Variants in SLC35F4 observed in about 807,000 individuals in gnomAD.
SLC35F4 encodes chromosome 14 open reading frame 36.
In SLC35F4, 24 loss-of-function variants were observed where a neutral mutation model predicts 44.2. The ratio of observed to expected loss-of-function variants is 0.54; its 90% CI spans 0.39 to 0.76. SLC35F4 has a LOEUF of 0.76. Among genes scored for constraint, SLC35F4 ranks in the 30% least tolerant of loss-of-function variants. SLC35F4 has a pLI of 0.00. For synonymous variants in SLC35F4, 238 were observed against 223.6 expected (o/e 1.06, Z -0.57); for missense variants, 562 against 586.1 (o/e 0.96, Z 0.42).
At chr14:57,708,526 C>A (rs1054797059) in intron 1 of SLC35F4, among the ~76,000 whole-genome samples, 1 of 152,134 alleles carries the variant, frequency 6.6e-6, no homozygotes, top group Non-Finnish European at 1.5e-5. Flanking sequence ...TGGTTTTGAC[C>A]AAAATGCTGA....
upstream of SLC35F4, chr14:57,982,307 A>G (rs939885087): frequency 1.1e-4 from 17 of 152,210 alleles, no homozygotes; most frequent in African/African-American, 4.1e-4. Flanking sequence ...CAGCAACGGA[A>G]TGTTCTGATG....
chr14:57,733,366 A>G (rs1449632148), intron 1 of SLC35F4, among the ~76,000 whole-genome samples: 2 of 147,748 alleles, frequency 1.4e-5, no homozygotes, highest in Non-Finnish European at 3.0e-5. Flanking sequence ...TCTTTAAAAA[A>G]AAAAAAAAAA....
At chr14:57,654,357 CCT>C (rs1408919614) in intron 1 of SLC35F4, among the ~76,000 whole-genome samples, 1 of 152,114 alleles carries the variant, frequency 6.6e-6, no homozygotes, top group African/African-American at 2.4e-5. Context: ...GTTTTCCACC[CCT>C]GAGTTACTTC....
intron 1 of SLC35F4, among the ~76,000 whole-genome samples, chr14:57,664,799 T>A (rs1217003702): frequency 6.6e-6 from 1 of 151,954 alleles, no homozygotes; most frequent in Non-Finnish European, 1.5e-5. Context: ...CTACTGGGAG[T>A]TGCTTCCATG....
At chr14:57,604,221 A>G (rs2140000568) in intron 1 of SLC35F4, 1 of 152,336 alleles carries the variant, frequency 6.6e-6, no homozygotes. Context: ...GTGGAGATTC[A>G]TTTCTATACA....
intron 1 of SLC35F4, among the ~76,000 whole-genome samples, chr14:57,637,239 AG>A (rs371464519): frequency 5.5e-4 from 83 of 152,248 alleles, no homozygotes; most frequent in African/African-American, 1.9e-3. Flanking sequence ...TGTAGAAAAA[AG>A]TGTCTCTTTT....
intron 1 of SLC35F4, chr14:57,629,748 G>A (rs6573156): frequency 0.68 from 184,900 of 271,298 alleles, 64,787 homozygotes; most frequent in Admixed American, 0.75. Context: ...ACATAAGACA[G>A]GAACACAGGA....
chr14:57,776,230 A>T (rs773206133), intron 1 of SLC35F4, among the ~76,000 whole-genome samples: 1 of 152,186 alleles, frequency 6.6e-6, no homozygotes, highest in African/African-American at 2.4e-5. Context: ...TTATTTCAAG[A>T]TATCATCCAT....
At chr14:57,977,484 C>A (rs1362263800) in intron 1 of SLC35F4, among the ~76,000 whole-genome samples, 1 of 152,134 alleles carries the variant, frequency 6.6e-6, no homozygotes, top group Admixed American at 6.5e-5. Flanking sequence ...TGGAGAGCTA[C>A]TGGGAACTGA....
At chr14:57,733,620 G>C (rs2076399381) in intron 1 of SLC35F4, among the ~76,000 whole-genome samples, 1 of 151,894 alleles carries the variant, frequency 6.6e-6, no homozygotes, top group Non-Finnish European at 1.5e-5. Context: ...CTTTTCCACT[G>C]ATGTATGGAT....
At chr14:57,606,311 A>G (rs554135369) in intron 1 of SLC35F4, among the ~76,000 whole-genome samples, 16 of 148,170 alleles carry the variant, frequency 1.1e-4, no homozygotes, top group Non-Finnish European at 2.2e-4. Flanking sequence ...TTTGCTTTCT[A>G]TAATACTTAT....
At chr14:57,591,296 G>C (rs1018312198) in intron 2 of SLC35F4, among the ~76,000 whole-genome samples, 10 of 68,150 alleles carry the variant, frequency 1.5e-4, no homozygotes, top group South Asian at 1.0e-3. Context: ...TTGAGGAGCT[G>C]GGGGGGATAT....
chr14:57,596,537 TCTC>T (rs1465961631), intron 1 of SLC35F4: 6 of 360,200 alleles, frequency 1.7e-5, no homozygotes, highest in Non-Finnish European at 3.3e-5. Context: ...AGGTATGCCT[TCTC>T]CTCTTTTCTC....
chr14:57,738,787 A>ATATATATATAG (rs1491518109), intron 1 of SLC35F4, among the ~76,000 whole-genome samples: 1 of 96,938 alleles, frequency 1.0e-5, no homozygotes, highest in Non-Finnish European at 2.1e-5. Context: ...ATATATATAT[A>ATATATATATAG]GGCTTCATAT....
chr14:57,731,435 C>CATCCAG (rs746693901), intron 1 of SLC35F4, among the ~76,000 whole-genome samples: 16 of 152,324 alleles, frequency 1.1e-4, no homozygotes, highest in Non-Finnish European at 2.4e-4. Flanking sequence ...ATGGGAGGGT[C>CATCCAG]ATCCAGACAC....
chr14:57,670,107 T>C (rs1489006084), intron 1 of SLC35F4, among the ~76,000 whole-genome samples: 2 of 152,146 alleles, frequency 1.3e-5, no homozygotes, highest in African/African-American at 4.8e-5. Flanking sequence ...GATTTTCTGG[T>C]TTATTTGCAT....
chr14:57,721,642 T>C (rs1286647375), intron 1 of SLC35F4, among the ~76,000 whole-genome samples: 1 of 151,838 alleles, frequency 6.6e-6, no homozygotes, highest in Non-Finnish European at 1.5e-5. Context: ...GTGAAGAAAA[T>C]TGGAAAAGAA....
chr14:57,864,937 C>G (rs557666053), intron 1 of SLC35F4, among the ~76,000 whole-genome samples: 55 of 152,308 alleles, frequency 3.6e-4, no homozygotes, highest in African/African-American at 1.1e-3. Context: ...TCATCGCCCT[C>G]CCACCAAAAC....
intron 1 of SLC35F4, among the ~76,000 whole-genome samples, chr14:57,832,240 C>T (rs1441598478): frequency 6.6e-6 from 1 of 151,300 alleles, no homozygotes; most frequent in African/African-American, 2.4e-5. Flanking sequence ...CTCTGCCTTC[C>T]GCAGACTCAG....
Sources: gnomAD v4.1 joint callset for allele counts (sites outside exome capture counted in the v4.1 genomes callset) on GRCh38, gnomAD v4.1.1 for gene constraint, MANE v1.5 for transcripts, NCBI Gene and HGNC (gene_info 2026-07-23, HGNC 2026-07-21) for gene names.